AP2A2: variants seen among roughly 807,000 people sequenced by gnomAD.
AP2A2 encodes the protein AP-2 complex subunit alpha-2.
A neutral mutation model predicts 104.2 loss-of-function variants in AP2A2; 32 were observed. The ratio of observed to expected loss-of-function variants is 0.31; its 90% CI spans 0.23 to 0.41. The LOEUF (loss-of-function observed/expected upper bound fraction) is 0.41. Ranked by LOEUF, AP2A2 falls within the 10% of genes least tolerant of loss-of-function variation. AP2A2 has a pLI of 1.00. For synonymous variants in AP2A2, 539 were observed against 533.3 expected, an observed-to-expected ratio of 1.01 and a Z score of -0.15; for missense variants, 912 against 1,261.0, an observed-to-expected ratio of 0.72 and a Z score of 4.19.
intron 6 of AP2A2, among the ~76,000 whole-genome samples, chr11:983,599 G>T (rs961370222): frequency 7.9e-5 from 12 of 151,686 alleles, no homozygotes; most frequent in African/African-American, 2.9e-4. Flanking sequence ...TAGCCAGGAT[G>T]GTCTCGATCT....
intron 20 of AP2A2, 102 bp downstream of exon 20, chr11:1,009,499 G>A (rs1397580257): frequency 7.4e-5 from 102 of 1,376,674 alleles, no homozygotes; most frequent in Non-Finnish European, 8.7e-5. Context: ...ATGACCCCGC[G>A]CCAGGGTCTG....
intron 9 of AP2A2, among the ~76,000 whole-genome samples, chr11:987,882 C>T (rs1366354562): frequency 6.6e-6 from 1 of 152,250 alleles, no homozygotes; most frequent in Non-Finnish European, 1.5e-5. Context: ...GCTCCCAGTC[C>T]CCCGCACGTC....
At position 985,591 on chromosome 11, in the gene AP2A2, G is replaced by A. The variant is rs191373519; in HGVS notation, c.962+9G>A. 78 of 1,613,590 alleles carry A rather than the reference G, an allele frequency of 4.8e-5. No individual in the cohort carries two copies. The highest frequency in any genetic ancestry group is 2.2e-5 in the Non-Finnish European group (26 of 1,179,868). ...ATCATTCACCATGACAGGTGTGTCG[G>A]CTGCCTGTGGAGAGGCTTCGTCTCG... On this transcript the variant is annotated intron_variant, in intron 8 of 21. Coordinates refer to ENST00000448903, the MANE Select transcript of AP2A2 (RefSeq NM_012305.4).
At chr11:973,748 G>T (rs1406489224) in intron 4 of AP2A2, among the ~76,000 whole-genome samples, 1 of 152,170 alleles carries the variant, frequency 6.6e-6, no homozygotes, top group South Asian at 2.1e-4. Context: ...CTGCCTCAGG[G>T]CCACGGCCTC....
chr11:957,620 A>G (rs1854281211), intron 1 of AP2A2, among the ~76,000 whole-genome samples: 1 of 152,222 alleles, frequency 6.6e-6, no homozygotes, highest in African/African-American at 2.4e-5. Flanking sequence ...GTTTTGAGCC[A>G]GGAACTGTAG....
At chr11:955,834 C>T (rs1202618617) in intron 1 of AP2A2, among the ~76,000 whole-genome samples, 1 of 152,188 alleles carries the variant, frequency 6.6e-6, no homozygotes, top group Non-Finnish European at 1.5e-5. Context: ...GTTTTGGAAG[C>T]AGCAGTGGTG....
chr11:968,277 C>T lies in AP2A2; in HGVS notation c.137-1892C>T, dbSNP rs1484371466. ...TCTGGGAGGCCCAGAGGTGATCCTG[C>T]ATCACCCTCACTGACCAGTGGGCTC... On this transcript the variant is annotated intron_variant, in intron 2 of 21. Transcript: ENST00000448903. This position sits in a 1 kb window ranked among gnomAD's most constrained non-coding sequence, Gnocchi z 4.2. Among the ~76,000 whole-genome samples the T allele has an allele frequency of 6.6e-6, 1 of 152,224 alleles. No individual in the cohort carries two copies. Among genetic ancestry groups the T allele is most frequent in the Non-Finnish European group, 1.5e-5 (1 of 68,032 alleles).
intron 6 of AP2A2, among the ~76,000 whole-genome samples, chr11:982,007 G>A (rs1855261868): frequency 6.6e-6 from 1 of 152,240 alleles, no homozygotes; most frequent in Admixed American, 6.5e-5. Flanking sequence ...CTAGTCTCTT[G>A]GGTTTTAGTC....
At chr11:969,611 G>C (rs1386226711) in intron 2 of AP2A2, among the ~76,000 whole-genome samples, 1 of 152,124 alleles carries the variant, frequency 6.6e-6, no homozygotes, top group African/African-American at 2.4e-5. Context: ...GCCCTGCCAT[G>C]ATCCCTTGTG....
rs762614728 is a variant in AP2A2 at position 988,615 on chromosome 11, A to G, written c.1195A>G (p.Ser399Gly). 2 of 1,613,650 alleles carry G rather than the reference A, an allele frequency of 1.2e-6. No homozygotes were observed. Among genetic ancestry groups the G allele is most frequent in the South Asian group, 1.1e-5 (1 of 91,092 alleles). ...VDLLYAMCDR[S>G]NAPQIVAEML... ...CCTCCTCTACGCCATGTGCGACCGC[A>G]GCAACGCCCCACAGATCGTGGCCGA... The change falls in exon 10 of 22, where the codon AGC becomes GGC. Residue 399 changes from serine to glycine, a missense_variant. Transcript: ENST00000448903.
chr11:946,330 C>T (rs971579257), intron 1 of AP2A2: 2 of 152,264 alleles, frequency 1.3e-5, no homozygotes, highest in African/African-American at 4.8e-5. Flanking sequence ...AGCTCCTCAG[C>T]AAGTCCCGGC....
At chr11:981,095 T>C in intron 5 of AP2A2, 103 bp from the exon 6 acceptor site, 1 of 892,564 alleles carries the variant, frequency 1.1e-6, no homozygotes, top group Non-Finnish European at 1.7e-6. Context: ...GGCTGTGGGC[T>C]GCCACTGTGC....
At chr11:986,092 A>G (rs1476291619) in intron 8 of AP2A2, among the ~76,000 whole-genome samples, 1 of 152,208 alleles carries the variant, frequency 6.6e-6, no homozygotes, top group African/African-American at 2.4e-5. Flanking sequence ...GGCGCACCAC[A>G]TGTGGTCTGG....
At chr11:1,006,005 G>A (rs564793714) in intron 16 of AP2A2, among the ~76,000 whole-genome samples, 17 of 152,370 alleles carry the variant, frequency 1.1e-4, no homozygotes, top group Admixed American at 2.0e-4. Flanking sequence ...TGGCTGAGCC[G>A]CTGCAGTGAG....
intron 5 of AP2A2, among the ~76,000 whole-genome samples, chr11:978,388 G>A (rs955921951): frequency 1.3e-5 from 2 of 152,180 alleles, no homozygotes; most frequent in Non-Finnish European, 2.9e-5. Context: ...GCTTTTCAGG[G>A]TGGCAGGGCC....
intron 1 of AP2A2, among the ~76,000 whole-genome samples, chr11:940,213 C>G (rs1347565152): frequency 6.6e-6 from 1 of 152,092 alleles, no homozygotes; most frequent in East Asian, 1.9e-4. Flanking sequence ...CTTGGCCTCC[C>G]AAAGTGCTGG....
chr11:988,729 C>T (rs774137653), intron 10 of AP2A2, 40 bp downstream of exon 10: 7 of 1,607,728 alleles, frequency 4.4e-6, no homozygotes, highest in Admixed American at 3.3e-5. Flanking sequence ...CTGCCACAGG[C>T]GTGAATCTCA....
intron 15 of AP2A2, among the ~76,000 whole-genome samples, chr11:1,003,134 T>C (rs1487047512): frequency 6.6e-6 from 1 of 152,232 alleles, no homozygotes; most frequent in African/African-American, 2.4e-5. Flanking sequence ...TAATTCTGTG[T>C]AGTGTAGATA....
At chr11:971,954 G>T (rs1191498090) in intron 3 of AP2A2, 108 bp from the exon 4 acceptor site, 2 of 1,122,230 alleles carry the variant, frequency 1.8e-6, no homozygotes, top group Non-Finnish European at 1.3e-6. Context: ...CGTGGGTGGT[G>T]CCTGGGCTGC....
Sources: allele counts gnomAD v4.1 joint callset (sites outside exome capture counted in the v4.1 genomes callset), GRCh38; gene constraint gnomAD v4.1.1; non-coding constraint Gnocchi (gnomAD v3.1); transcripts MANE v1.5; gene names NCBI Gene and HGNC (gene_info 2026-07-23, HGNC 2026-07-21).